PDE8B: variants seen among roughly 807,000 people sequenced by gnomAD.
PDE8B encodes high affinity cAMP-specific and IBMX-insensitive 3',5'-cyclic phosphodiesterase 8B.
A neutral mutation model predicts 101.3 loss-of-function variants in PDE8B; 26 were observed. The observed-to-expected ratio is 0.26, with a 90% CI of 0.19 to 0.36. The LOEUF (loss-of-function observed/expected upper bound fraction) is 0.36, where lower values mean the gene tolerates loss of function less well. PDE8B is among the 10% of genes least tolerant of loss of function. The pLI is 1.00. For missense variants in PDE8B, 810 were observed against 1,163.1 expected (o/e 0.70, Z 4.42); for synonymous variants, 424 against 429.3 (o/e 0.99, Z 0.15).
chr5:77,267,868 G>T (rs1762064762), intron 1 of PDE8B, among the ~76,000 whole-genome samples: 1 of 152,210 alleles, frequency 6.6e-6, no homozygotes, highest in African/African-American at 2.4e-5. Context: ...TCTTTAGTGA[G>T]CCAATAAGTT....
chr5:77,103,867 T>C, the PDE8B span, among the ~76,000 whole-genome samples: 1 of 152,232 alleles, frequency 6.6e-6, no homozygotes, highest in Non-Finnish European at 1.5e-5. Context: ...CAGAAGGAGT[T>C]ACACTTAGAG....
At chr5:77,290,202 G>A (rs567955889) in intron 1 of PDE8B, 30 of 1,534,954 alleles carry the variant, frequency 2.0e-5, no homozygotes, top group Middle Eastern at 1.7e-4. Context: ...CCTGCCTCGC[G>A]CACTGTGTGT....
chr5:77,097,388 T>C, the PDE8B span, among the ~76,000 whole-genome samples: 1 of 152,004 alleles, frequency 6.6e-6, no homozygotes, highest in Non-Finnish European at 1.5e-5. Context: ...AGTTGGAAGA[T>C]AGTTTGATGA....
intron 1 of PDE8B, among the ~76,000 whole-genome samples, chr5:77,256,413 A>G (rs774646002): frequency 1.3e-5 from 2 of 152,206 alleles, no homozygotes; most frequent in Non-Finnish European, 2.9e-5. Flanking sequence ...AAGTCCCTCT[A>G]CTTCAGTGCA....
chr5:77,116,521 C>T, the PDE8B span, among the ~76,000 whole-genome samples: 5 of 152,106 alleles, frequency 3.3e-5, no homozygotes, highest in South Asian at 2.1e-4. Flanking sequence ...GGATTACAGG[C>T]GTAAGCCACC....
At chr5:77,290,650 A>G in intron 1 of PDE8B, 6 of 1,509,088 alleles carry the variant, frequency 4.0e-6, no homozygotes, top group South Asian at 2.3e-5. Flanking sequence ...ATCTGTGACT[A>G]TGCTGTTGGT....
intron 1 of PDE8B, among the ~76,000 whole-genome samples, chr5:77,241,846 A>G (rs893968437): frequency 1.3e-5 from 2 of 152,246 alleles, no homozygotes; most frequent in African/African-American, 4.8e-5. Context: ...TAAAGTTATC[A>G]TTTTAAGAAC....
At chr5:77,124,595 A>AAAG in the PDE8B span, among the ~76,000 whole-genome samples, 5 of 150,200 alleles carry the variant, frequency 3.3e-5, no homozygotes, top group Admixed American at 6.6e-5. Flanking sequence ...CAAAAAAAAA[A>AAAG]AAAGAAAGAA....
intron 20 of PDE8B, among the ~76,000 whole-genome samples, chr5:77,424,819 GT>G (rs912849753): frequency 9.1e-6 from 1 of 110,046 alleles, no homozygotes; most frequent in African/African-American, 3.2e-5. Context: ...CTGTTTTTTT[GT>G]TTTTTGTTTT....
chr5:77,312,655 C>T (rs1186647362), intron 2 of PDE8B, among the ~76,000 whole-genome samples: 1 of 152,218 alleles, frequency 6.6e-6, no homozygotes, highest in Admixed American at 6.5e-5. Flanking sequence ...TATATTGCTT[C>T]ACTCCTCTGA....
the PDE8B span, among the ~76,000 whole-genome samples, chr5:77,097,707 CTATA>C: frequency 5.1e-3 from 105 of 20,570 alleles, no homozygotes; most frequent in Non-Finnish European, 8.9e-3. Flanking sequence ...ATATATATAT[CTATA>C]TATATATATA....
At chr5:77,093,833 G>A in the PDE8B span, among the ~76,000 whole-genome samples, 547 of 152,014 alleles carry the variant, frequency 3.6e-3, 2 homozygotes, top group African/African-American at 0.013. Flanking sequence ...CTGATCTCTC[G>A]GTGTCATGAA....
chr5:77,426,653 T>G lies in PDE8B; in HGVS notation c.*99T>G. 1 of 731,516 alleles carries G rather than the reference T, an allele frequency of 1.4e-6. No individual in the cohort carries two copies. Among genetic ancestry groups the G allele is most frequent in the Admixed American group, 2.0e-5 (1 of 50,110 alleles). 45.3% of individuals were successfully genotyped at this position (731,516 alleles called of 1,614,324 possible). On this transcript the variant is annotated 3_prime_UTR_variant, in exon 22 of 22. Coordinates refer to ENST00000264917, the MANE Select transcript of PDE8B (RefSeq NM_003719.5). ...CCTTTCTAATGACAATGACAGGTATTGGTGAAGGAGCTAATGTTTAATATT... is the reference window on the plus strand; with the variant it reads ...CCTTTCTAATGACAATGACAGGTATGGGTGAAGGAGCTAATGTTTAATATT...
chr5:77,333,564 A>G (rs1023747598), intron 5 of PDE8B, among the ~76,000 whole-genome samples: 1 of 152,112 alleles, frequency 6.6e-6, no homozygotes, highest in African/African-American at 2.4e-5. Context: ...ATCGATCAGG[A>G]CCCATGTACG....
At chr5:77,231,708 T>C (rs1322140665) in intron 1 of PDE8B, among the ~76,000 whole-genome samples, 1 of 152,032 alleles carries the variant, frequency 6.6e-6, no homozygotes, top group Non-Finnish European at 1.5e-5. Flanking sequence ...CTTACAGAGG[T>C]GTGAGCATAG....
chr5:77,322,918 T>G (rs566426668), intron 2 of PDE8B, among the ~76,000 whole-genome samples: 1 of 152,264 alleles, frequency 6.6e-6, no homozygotes, highest in South Asian at 2.1e-4. Flanking sequence ...GCTGTTGTAA[T>G]GCCCAACAAG....
At chr5:77,396,513 T>G (rs1791093335) in intron 10 of PDE8B, among the ~76,000 whole-genome samples, 1 of 152,232 alleles carries the variant, frequency 6.6e-6, no homozygotes, top group Admixed American at 6.5e-5. Context: ...ATTCCACTGG[T>G]AACTCTTACC....
chr5:77,306,662 G>A (rs940238145), intron 1 of PDE8B, among the ~76,000 whole-genome samples: 1 of 152,110 alleles, frequency 6.6e-6, no homozygotes, highest in African/African-American at 2.4e-5. Flanking sequence ...TCTAAAACTC[G>A]ATGCCAAGTT....
chr5:77,345,304 C>G (rs1779945119), intron 7 of PDE8B, among the ~76,000 whole-genome samples: 1 of 152,190 alleles, frequency 6.6e-6, no homozygotes, highest in South Asian at 2.1e-4. Flanking sequence ...GGATTACAGG[C>G]ATGTGCCACC....
Sources: gnomAD v4.1 joint callset for allele counts (sites outside exome capture counted in the v4.1 genomes callset) on GRCh38, gnomAD v4.1.1 for gene constraint, MANE v1.5 for transcripts, NCBI Gene and HGNC (gene_info 2026-07-23, HGNC 2026-07-21) for gene names.